ARFGEF3: variants seen among roughly 807,000 people sequenced by gnomAD.
The protein encoded by ARFGEF3 is ARFGEF family member 3, also known as brefeldin A-inhibited guanine nucleotide-exchange protein 3.
A neutral mutation model predicts 221.7 loss-of-function variants in ARFGEF3; 96 were observed. The ratio of observed to expected loss-of-function variants is 0.43; its 90% CI spans 0.37 to 0.51. ARFGEF3 has a LOEUF of 0.51. Among genes scored for constraint, ARFGEF3 ranks in the 20% least tolerant of loss-of-function variants. The pLI, the probability that ARFGEF3 is intolerant of heterozygous loss-of-function variation, is 0.00. For synonymous variants in ARFGEF3, 1,145 were observed against 1,126.8 expected, an observed-to-expected ratio of 1.02 and a Z score of -0.32; for missense variants, 2,410 against 2,789.9, an observed-to-expected ratio of 0.86 and a Z score of 3.07.
chr6:138,303,768 A>G (rs2114654305), intron 22 of ARFGEF3, among the ~76,000 whole-genome samples: 1 of 143,196 alleles, frequency 7.0e-6, no homozygotes, highest in Admixed American at 7.1e-5. Context: ...AAGCTGAGGT[A>G]GGAGAATCAC....
intron 1 of ARFGEF3, among the ~76,000 whole-genome samples, chr6:138,167,982 G>C (rs2114423999): frequency 6.6e-6 from 1 of 152,332 alleles, no homozygotes; most frequent in Non-Finnish European, 1.5e-5. Context: ...TCATGAGAGA[G>C]AGGGGTCCTT....
intron 16 of ARFGEF3, 70 bp from the exon 17 acceptor site, chr6:138,287,004 A>C (rs1779309890): frequency 6.4e-7 from 1 of 1,568,636 alleles, no homozygotes; most frequent in Admixed American, 1.9e-5. Flanking sequence ...GACCCTTTAG[A>C]AGGGGTTCTG....
chr6:138,297,974 C>G (rs1260568022), intron 21 of ARFGEF3, among the ~76,000 whole-genome samples: 1 of 152,122 alleles, frequency 6.6e-6, no homozygotes, highest in East Asian at 1.9e-4. Flanking sequence ...TCCAGCAGAC[C>G]AGCCCCAGCT....
intron 2 of ARFGEF3, among the ~76,000 whole-genome samples, chr6:138,177,696 T>G (rs1201234001): frequency 6.6e-6 from 1 of 152,088 alleles, no homozygotes; most frequent in African/African-American, 2.4e-5. Context: ...CTCACTGTAT[T>G]ATTTCAAAAG....
At chr6:138,236,795 G>A (rs1156763907) in intron 5 of ARFGEF3, among the ~76,000 whole-genome samples, 2 of 152,140 alleles carry the variant, frequency 1.3e-5, no homozygotes, top group Non-Finnish European at 2.9e-5. Context: ...TTCTAAGCAT[G>A]CATAAATTAT....
intron 2 of ARFGEF3, among the ~76,000 whole-genome samples, chr6:138,193,487 T>C (rs979359354): frequency 3.9e-5 from 6 of 152,228 alleles, no homozygotes; most frequent in Non-Finnish European, 8.8e-5. Context: ...CATCGTTATG[T>C]GTCTAACATT....
At chr6:138,271,345 G>A (rs1778999914) in intron 12 of ARFGEF3, among the ~76,000 whole-genome samples, 1 of 152,076 alleles carries the variant, frequency 6.6e-6, no homozygotes, top group Non-Finnish European at 1.5e-5. Context: ...CCACCTAGAA[G>A]CTGACTCTGA....
intron 22 of ARFGEF3, among the ~76,000 whole-genome samples, chr6:138,304,466 G>A (rs1362168212): frequency 6.6e-6 from 1 of 152,076 alleles, no homozygotes. Context: ...TCATAAACTT[G>A]TCATTAGTCT....
intron 2 of ARFGEF3, among the ~76,000 whole-genome samples, chr6:138,204,003 G>A (rs1777583770): frequency 6.6e-6 from 1 of 152,028 alleles, no homozygotes; most frequent in East Asian, 1.9e-4. Flanking sequence ...ACCTTCCCAG[G>A]ACAGTTAGCC....
At chr6:138,275,152 T>A (rs1294389723) in intron 12 of ARFGEF3, among the ~76,000 whole-genome samples, 1 of 151,630 alleles carries the variant, frequency 6.6e-6, no homozygotes, top group Non-Finnish European at 1.5e-5. Context: ...AAAATAATAA[T>A]AAAATGCACC....
In ARFGEF3 at chr6:138,322,254, G is replaced by T. The variant is rs118032953; in HGVS notation, c.4766+1029G>T. On this transcript the variant is annotated intron_variant, in intron 29 of 33. Transcript: ENST00000251691. ...CCCTGGACTGTACTTACATCTCCCC[G>T]TTCTCAGGCTTTCAGACTTGGACTG... 4.6e-5 allele frequency among the ~76,000 whole-genome samples: 7 copies of T among 152,220 alleles called. No homozygotes were observed. In the East Asian group the frequency reaches 1.4e-3, roughly 29 times the overall value.
Position 138,324,052 on chromosome 6 carries a change from G to A in ARFGEF3, c.4899G>A (p.Thr1633=), listed in dbSNP as rs756216194. The part of the protein sequence containing the change: ...KDLLGCFHSG[T]ESFSGEGCQV... ...TGCTGGGCTGCTTCCACAGCGGCAC[G>A]GAGAGCTTCAGCGGGGAAGGCTGCC... Residue 1633 remains threonine (T), a synonymous_variant, in exon 31 of 34, where the codon ACG becomes ACA. Transcript: ENST00000251691. 20 of 1,613,746 alleles carry A rather than the reference G, an allele frequency of 1.2e-5. No homozygotes were observed. Among genetic ancestry groups the A allele is most frequent in the East Asian group, 2.2e-5 (1 of 44,890 alleles).
intron 31 of ARFGEF3, among the ~76,000 whole-genome samples, chr6:138,327,207 AT>A (rs1780140955): frequency 6.6e-6 from 1 of 152,196 alleles, no homozygotes; most frequent in South Asian, 2.1e-4. Flanking sequence ...ACCATGACAC[AT>A]GTTTACCTAT....
rs566797252 is a variant in ARFGEF3 at position 138,298,697 on chromosome 6, C to T, written c.3740C>T (p.Pro1247Leu). Reference sequence around the variant, plus strand: ...GAAGTCCTCACTGACTGGAATGAGCCACCTCATTTTCACTTCAATGAAGCA... The same window carrying T: ...GAAGTCCTCACTGACTGGAATGAGCTACCTCATTTTCACTTCAATGAAGCA... The part of the protein sequence containing the change: ...LTEVLTDWNE[P>L]PHFHFNEALF... The change falls in exon 22 of 34, where the codon CCA becomes CTA. Residue 1247 changes from proline to leucine, a missense_variant. This residue lies in a region of ARFGEF3 where 723 missense variants were observed against 991.9 expected (regional missense o/e 0.73). Coordinates refer to ENST00000251691, the MANE Select transcript of ARFGEF3 (RefSeq NM_020340.5). The T allele has an allele frequency of 6.6e-5, 107 of 1,612,704 alleles. 1 individual carries two copies. The South Asian group carries it at 1.1e-3, about 17-fold the overall frequency.
At chr6:138,188,306 T>A (rs1477840327) in intron 2 of ARFGEF3, among the ~76,000 whole-genome samples, 1 of 151,998 alleles carries the variant, frequency 6.6e-6, no homozygotes, top group African/African-American at 2.4e-5. Context: ...AGACTTAGGT[T>A]CCCCCCCTCC....
chr6:138,258,787 A>G (rs1304628609), intron 10 of ARFGEF3, among the ~76,000 whole-genome samples: 1 of 152,224 alleles, frequency 6.6e-6, no homozygotes, highest in African/African-American at 2.4e-5. Flanking sequence ...GTCTACAAAG[A>G]GGCTATTTTA....
intron 4 of ARFGEF3, among the ~76,000 whole-genome samples, chr6:138,222,986 C>T (rs929977262): frequency 2.6e-5 from 4 of 152,168 alleles, no homozygotes; most frequent in African/African-American, 9.7e-5. Flanking sequence ...GACTCCATCC[C>T]TCCCTCACTC....
Position 138,207,102 on chromosome 6 carries a change from A to G in ARFGEF3, c.198A>G (p.Gln66=), listed in dbSNP as rs751947237. 1.9e-6 allele frequency: 3 copies of G among 1,611,330 alleles called. No individual in the cohort carries two copies. Among genetic ancestry groups the G allele is most frequent in the South Asian group, 1.1e-5 (1 of 89,992 alleles). ...ALESKNVKLA[Q]HALAGMQKLL... ...AATCCAAGAATGTGAAGCTGGCCCA[A>G]CATGCTTTGGCAGGGATGCAGGTAT... is the stretch of plus-strand genomic sequence containing the variant. Residue 66 remains glutamine, a synonymous_variant, in exon 3 of 34, where the codon CAA becomes CAG. Coordinates refer to ENST00000251691, the MANE Select transcript of ARFGEF3 (RefSeq NM_020340.5).
At chr6:138,177,085 ATTTATTTATTTATAT>A (rs1562343238) in intron 2 of ARFGEF3, among the ~76,000 whole-genome samples, 5 of 139,088 alleles carry the variant, frequency 3.6e-5, no homozygotes, top group East Asian at 4.4e-4. Context: ...TTATTTATTT[ATTTATTTATTTATAT>A]TTTTTTTGAG....
Sources: gnomAD v4.1 joint callset for allele counts (sites outside exome capture counted in the v4.1 genomes callset) on GRCh38, gnomAD v4.1.1 for gene constraint, gnomAD v4.1.1 regional missense constraint, MANE v1.5 for transcripts, NCBI Gene and HGNC (gene_info 2026-07-23, HGNC 2026-07-21) for gene names.